FAM81A: variants seen among roughly 807,000 people sequenced by gnomAD.
FAM81A encodes family with sequence similarity 81 member A.
FAM81A carries 19 observed loss-of-function variants against 46.7 expected under a neutral mutation model. The observed-to-expected ratio is 0.41, with a 90% CI of 0.28 to 0.60. The LOEUF is 0.60. Among genes scored for constraint, FAM81A ranks in the 20% least tolerant of loss-of-function variants. FAM81A has a pLI of 0.34. For missense variants in FAM81A, 377 were observed against 453.5 expected, an observed-to-expected ratio of 0.83 and a Z score of 1.53; for synonymous variants, 183 against 152.9, an observed-to-expected ratio of 1.20 and a Z score of -1.45.
Position 59,514,434 on chromosome 15 carries a change from G to A in FAM81A, c.786+10G>A. ...TGTTAAGGAAAACAGTGTAGGTATT[G>A]ATGTTTAGCAAAAATTTAGTAAAGT... is the stretch of plus-strand genomic sequence containing the variant. On this transcript the variant is annotated intron_variant, in intron 7 of 8. Transcript: ENST00000288228. 2.5e-6 allele frequency: 4 copies of A among 1,607,710 alleles called. No individual in the cohort carries two copies. Among genetic ancestry groups the A allele is most frequent in the Non-Finnish European group, 1.7e-6 (2 of 1,178,062 alleles).
chr15:59,489,302 CAT>C (rs1303406022), intron 3 of FAM81A, among the ~76,000 whole-genome samples: 1 of 150,278 alleles, frequency 6.7e-6, no homozygotes, highest in Non-Finnish European at 1.5e-5. Flanking sequence ...TACATACATA[CAT>C]ACATACATAT....
chr15:59,520,012 G>A (rs1372232449), intron 8 of FAM81A, among the ~76,000 whole-genome samples: 1 of 151,950 alleles, frequency 6.6e-6, no homozygotes, highest in Non-Finnish European at 1.5e-5. Flanking sequence ...CCCACATCCC[G>A]CAGGCCACAT....
intron 2 of FAM81A, among the ~76,000 whole-genome samples, chr15:59,402,850 G>A (rs114090800): frequency 0.019 from 2,921 of 152,140 alleles, 109 homozygotes; most frequent in African/African-American, 0.067. Context: ...CACCACGCCC[G>A]GCCTCTATTC....
At chr15:59,405,204 AT>A (rs1184098333) in intron 2 of FAM81A, among the ~76,000 whole-genome samples, 1 of 152,112 alleles carries the variant, frequency 6.6e-6, no homozygotes, top group Non-Finnish European at 1.5e-5. Context: ...TTATTTCTTT[AT>A]GATCTGTCTT....
At chr15:59,437,562 G>T (rs922854876), upstream of FAM81A, among the ~76,000 whole-genome samples, 2 of 152,134 alleles carry the variant, frequency 1.3e-5, no homozygotes, top group Non-Finnish European at 2.9e-5. Flanking sequence ...TGTCTGCTGC[G>T]ATGAGACACG....
rs542497424 is a variant in FAM81A, at chr15:59,402,901, A to G, written c.-78+543A>G. On this transcript the variant is annotated intron_variant, in intron 2 of 4. Transcript: ENST00000558348. ...TTAATAGCATTTCTAAATCATCTTCATAGGGGTCTTATATATATATTCTTT... is the reference window on the plus strand; with the variant it reads ...TTAATAGCATTTCTAAATCATCTTCGTAGGGGTCTTATATATATATTCTTT... Among the ~76,000 whole-genome samples, 15 of 152,214 alleles carry G rather than the reference A, an allele frequency of 9.9e-5. No homozygotes were observed. In the East Asian group the frequency reaches 1.4e-3, roughly 14 times the overall value.
At chr15:59,500,666 T>G (rs561454416) in intron 4 of FAM81A, among the ~76,000 whole-genome samples, 1 of 152,068 alleles carries the variant, frequency 6.6e-6, no homozygotes, top group Non-Finnish European at 1.5e-5. Flanking sequence ...ATTTTTTTTT[T>G]TGGAGACTCT....
chr15:59,448,714 C>T (rs144493035), intron 1 of FAM81A, among the ~76,000 whole-genome samples: 22 of 152,164 alleles, frequency 1.4e-4, no homozygotes, highest in Middle Eastern at 3.4e-3. Context: ...GTTGCCCAAG[C>T]TGGAGTGCAG....
chr15:59,456,351 C>T (rs182470133), intron 1 of FAM81A, among the ~76,000 whole-genome samples: 10 of 151,896 alleles, frequency 6.6e-5, no homozygotes, highest in Middle Eastern at 3.4e-3. Context: ...AATATGAGGG[C>T]GGAAGAACAG....
At chr15:59,425,001 A>G (rs1301021416) in intron 2 of FAM81A, among the ~76,000 whole-genome samples, 2 of 152,152 alleles carry the variant, frequency 1.3e-5, no homozygotes, top group African/African-American at 4.8e-5. Flanking sequence ...AAACTTCAAC[A>G]TACATTCTCC....
intron 2 of FAM81A, among the ~76,000 whole-genome samples, chr15:59,431,173 C>T (rs1389410567): frequency 1.3e-5 from 2 of 152,126 alleles, no homozygotes; most frequent in Admixed American, 1.3e-4. Context: ...TGCTGGACAT[C>T]ACTCTTTCAC....
intron 1 of FAM81A, chr15:59,445,476 A>G (rs1232952496): frequency 6.6e-6 from 1 of 152,136 alleles, no homozygotes; most frequent in Non-Finnish European, 1.5e-5. Flanking sequence ...GAAAAACTCA[A>G]GAGTCCTCCC....
chr15:59,494,017 A>G (rs749324329), intron 4 of FAM81A, among the ~76,000 whole-genome samples: 2 of 152,032 alleles, frequency 1.3e-5, no homozygotes, highest in Non-Finnish European at 2.9e-5. Flanking sequence ...GAGTCTCTCC[A>G]ATGTCTTCCT....
At chr15:59,512,554 G>C (rs747927073) in intron 6 of FAM81A, among the ~76,000 whole-genome samples, 3 of 144,762 alleles carry the variant, frequency 2.1e-5, no homozygotes, top group Non-Finnish European at 4.5e-5. Context: ...AAATGATGAA[G>C]AACAATAAGT....
intron 1 of FAM81A, among the ~76,000 whole-genome samples, chr15:59,453,841 G>C (rs923986817): frequency 1.3e-5 from 2 of 152,066 alleles, no homozygotes; most frequent in Non-Finnish European, 2.9e-5. Flanking sequence ...GAAGTGCTAG[G>C]TGAATCTCGA....
intron 2 of FAM81A, among the ~76,000 whole-genome samples, chr15:59,417,520 A>G (rs1156412532): frequency 6.6e-6 from 1 of 151,256 alleles, no homozygotes; most frequent in African/African-American, 2.4e-5. Flanking sequence ...AGCCTGGCCA[A>G]CATGGTGAAA....
chr15:59,475,075 C>G (rs1358058193), intron 3 of FAM81A, among the ~76,000 whole-genome samples: 1 of 152,136 alleles, frequency 6.6e-6, no homozygotes, highest in Admixed American at 6.6e-5. Context: ...CAATAATCAG[C>G]TGTATCAAAA....
rs906525551 is a variant in FAM81A, at chr15:59,484,684, C to T, written c.295-7587C>T. Among the ~76,000 whole-genome samples, 6 of 152,330 alleles carry T rather than the reference C, an allele frequency of 3.9e-5. No homozygotes were observed. The South Asian group carries it at 1.2e-3, about 32-fold the overall frequency. ...CATTCTGGCTTTAAGGGTGCCTCTG[C>T]ACTTTCACAGCCGTGGTGGCTGTGA... On this transcript the variant is annotated intron_variant, in intron 3 of 8. Transcript: ENST00000288228.
chr15:59,486,469 AGT>A, intron 3 of FAM81A, among the ~76,000 whole-genome samples: 1 of 152,316 alleles, frequency 6.6e-6, no homozygotes, highest in South Asian at 2.1e-4. Context: ...AGTGGTAGAA[AGT>A]TTATCAAAAG....
Sources: gnomAD v4.1 joint callset for allele counts (sites outside exome capture counted in the v4.1 genomes callset) on GRCh38, gnomAD v4.1.1 for gene constraint, MANE v1.5 for transcripts, NCBI Gene and HGNC (gene_info 2026-07-23, HGNC 2026-07-21) for gene names.